Variants in NEFL observed in about 807,000 individuals in gnomAD.
NEFL encodes the protein neurofilament light polypeptide.
A neutral mutation model predicts 51.6 loss-of-function variants in NEFL; 36 were observed. The observed-to-expected ratio is 0.70, with a 90% CI of 0.53 to 0.92. The LOEUF (loss-of-function observed/expected upper bound fraction) is 0.92, where lower values mean the gene tolerates loss of function less well. Among genes scored for constraint, NEFL ranks in the 40% least tolerant of loss-of-function variants. The pLI is 0.00. For synonymous variants in NEFL, 332 were observed against 302.5 expected, an observed-to-expected ratio of 1.10 and a Z score of -1.01; for missense variants, 671 against 722.0, an observed-to-expected ratio of 0.93 and a Z score of 0.81.
intron 2 of NEFL, 88 bp from the exon 3 acceptor site, chr8:24,953,883 C>T: frequency 6.8e-7 from 1 of 1,468,884 alleles, no homozygotes; most frequent in Non-Finnish European, 9.0e-7. Flanking sequence ...CAAGCAGGAG[C>T]AGGGCTGGGA....
Position 24,955,462 on chromosome 8 carries a change from C to T in NEFL, c.1044+10G>A. ...TCCCCCGCCCCCCTGTGTTTCTGGC[C>T]GTGCCGCACCTGCATAGCGCTGATG... is the stretch of plus-strand genomic sequence containing the variant. On this transcript the variant is annotated intron_variant, in intron 1 of 3. Transcript: ENST00000610854. The surrounding 1 kb of genome is among the most constrained non-coding windows in gnomAD (Gnocchi z 4.0). 1 of 1,574,536 alleles carries T rather than the reference C, an allele frequency of 6.4e-7. No homozygotes were observed. Among genetic ancestry groups the T allele is most frequent in the South Asian group, 1.1e-5 (1 of 87,108 alleles).
At position 24,953,905 on chromosome 8, in the gene NEFL, T is replaced by A. The variant is rs568634960; in HGVS notation, c.1170-110A>T. 4.2e-6 allele frequency: 6 copies of A among 1,413,718 alleles called. No homozygotes were observed. In the African/African-American group the frequency reaches 8.7e-5, roughly 20 times the overall value. The allele number at this position is 1,413,718 out of a possible 1,614,324, so 87.6% of individuals were successfully genotyped here. On this transcript the variant is annotated intron_variant, in intron 2 of 3. Coordinates refer to ENST00000610854, the MANE Select transcript of NEFL (RefSeq NM_006158.5). ...GAGCAGGGCTGGGATTTATCAATACTTAATGCCTGGGGATCTTTTGATGGA... is the reference window on the plus strand; with the variant it reads ...GAGCAGGGCTGGGATTTATCAATACATAATGCCTGGGGATCTTTTGATGGA...
Position 24,954,492 on chromosome 8 carries a change from T to C in NEFL, c.1045-187A>G, listed in dbSNP as rs562945682. On this transcript the variant is annotated intron_variant, in intron 1 of 3. Transcript: ENST00000610854. ...TTCATGCCTAAAATACCCAAGTTCA[T>C]GAAGCCTGAGATGAAAAAAAAGATG... Among the ~76,000 whole-genome samples the C allele has an allele frequency of 4.4e-4, 67 of 152,326 alleles. 3 individuals carry two copies. In the South Asian group the frequency reaches 0.014, roughly 32 times the overall value.
chr8:24,953,307 T>A (rs1802994577), intron 3 of NEFL, among the ~76,000 whole-genome samples, 169 bp downstream of exon 3: 1 of 152,208 alleles, frequency 6.6e-6, no homozygotes, highest in Admixed American at 6.5e-5. Flanking sequence ...AATCACCTCA[T>A]TCAGAGTAGA....
Position 24,955,419 on chromosome 8 carries a change from C to CGGGGGGGGGGGGGGGGGGGGGGGG in NEFL, c.1044+52_1044+53insCCCCCCCCCCCCCCCCCCCCCCCC. 7.2e-7 allele frequency: 1 copy of CGGGGGGGGGGGGGGGGGGGGGGGG among 1,395,296 alleles called. No individual in the cohort carries two copies. The highest frequency in any genetic ancestry group is 9.7e-7 in the Non-Finnish European group (1 of 1,027,512). 86.4% of individuals were successfully genotyped at this position (1,395,296 alleles called of 1,614,324 possible). ...GGTCTCCACTTTCTGGGCGCACCAACTCCCCCCCTTGCTCGAGTCCCCCGC... is the reference window on the plus strand; with the variant it reads ...GGTCTCCACTTTCTGGGCGCACCAACGGGGGGGGGGGGGGGGGGGGGGGGTCCCCCCCTTGCTCGAGTCCCCCGC... On this transcript the variant is annotated intron_variant, in intron 1 of 3. Coordinates refer to ENST00000610854, the MANE Select transcript of NEFL (RefSeq NM_006158.5). This position sits in a 1 kb window ranked among gnomAD's most constrained non-coding sequence, Gnocchi z 4.0.
In NEFL at chr8:24,955,257, C is replaced by A. The variant is rs570063841; in HGVS notation, c.1044+215G>T. ...GCTGGGCAGCTTTAATGCGGAACGC[C>A]GGTGCAGCAGCACGGAGCACACTCC... On this transcript the variant is annotated intron_variant, in intron 1 of 3. Transcript: ENST00000610854. The surrounding 1 kb of genome is among the most constrained non-coding windows in gnomAD (Gnocchi z 4.0). 8.9e-6 allele frequency: 5 copies of A among 563,396 alleles called. No individual in the cohort carries two copies. The highest frequency in any genetic ancestry group is 1.5e-5 in the Non-Finnish European group (5 of 323,382). The allele number at this position is 563,396 out of a possible 1,614,324, so 34.9% of individuals were successfully genotyped here.
Position 24,953,752 on chromosome 8 carries a change from C to A in NEFL, c.1213G>T (p.Val405Leu), listed in dbSNP as rs558941336. Residue 405 changes from valine (V) to leucine (L), a missense_variant, in exon 3 of 4, where the codon GTG becomes TTG. Transcript: ENST00000610854. ...GEETRLSFTS[V>L]GSITSGYSQS... ...GAGTAGCCACTGGTTATGCTTCCCA[C>A]GCTGGTGAAACTGAGTCGGGTCTCC... 1.2e-6 allele frequency: 2 copies of A among 1,613,780 alleles called. No individual in the cohort carries two copies. The highest frequency in any genetic ancestry group is 1.7e-6 in the Non-Finnish European group (2 of 1,179,748).
rs1250693581 is a variant in NEFL at position 24,951,489 on chromosome 8, G to C, written c.*1321C>G. The C allele has an allele frequency of 6.6e-6, 1 of 152,188 alleles. No homozygotes were observed. The highest frequency in any genetic ancestry group is 1.9e-4 in the East Asian group (1 of 5,196). 9.4% of individuals were successfully genotyped at this position (152,188 alleles called of 1,614,324 possible). On this transcript the variant is annotated 3_prime_UTR_variant, in exon 4 of 4. Transcript: ENST00000610854. ...AGCGTTCTTAACTTTACGACAGAAA[G>C]GATACATGGGGCGTGTATTTGATGC...
chr8:24,956,400 G>C lies in NEFL; in HGVS notation c.116C>G (p.Ala39Gly), dbSNP rs1209328666. Residue 39 changes from alanine (A) to glycine (G), a missense_variant, in exon 1 of 4, where the codon GCT (alanine) becomes GGT (glycine). Transcript: ENST00000610854. The surrounding 1 kb of genome is among the most constrained non-coding windows in gnomAD (Gnocchi z 5.9). ...VRSGYSTARS[A>G]YSSYSAPVSS... is the part of the protein sequence containing the mutation. ...CACCGGCGCCGAGTAGCTGGAGTAA[G>C]CTGAGCGTGCGGTGCTGTAGCCGCT... is the stretch of plus-strand genomic sequence containing the variant. 2 of 1,603,936 alleles carry C rather than the reference G, an allele frequency of 1.2e-6. No individual in the cohort carries two copies. The highest frequency in any genetic ancestry group is 1.7e-4 in the Middle Eastern group (1 of 6,046).
chr8:24,956,023 C>G lies in NEFL; in HGVS notation c.493G>C (p.Glu165Gln). 1 of 1,604,710 alleles carries G rather than the reference C, an allele frequency of 6.2e-7. No homozygotes were observed. The part of the protein sequence containing the change: ...NEKQALQGER[E>Q]GLEETLRNLQ... The stretch of plus-strand genomic sequence containing the variant: ...TTGCGCAGGGTCTCCTCCAGCCCTT[C>G]GCGCTCGCCCTGGAGCGCCTGCTTC... Residue 165 changes from glutamate to glutamine, a missense_variant, in exon 1 of 4, where the codon GAA (glutamate) becomes CAA (glutamine). Transcript: ENST00000610854. This position sits in a 1 kb window ranked among gnomAD's most constrained non-coding sequence, Gnocchi z 5.9.
intron 3 of NEFL, among the ~76,000 whole-genome samples, chr8:24,953,231 T>C (rs1480467333): frequency 6.6e-6 from 1 of 152,210 alleles, no homozygotes; most frequent in African/African-American, 2.4e-5. Context: ...CTGGTATCTA[T>C]TTTTGTTCTT....
chr8:24,953,965 A>T (rs554225628), intron 2 of NEFL, 170 bp from the exon 3 acceptor site: 6 of 1,173,088 alleles, frequency 5.1e-6, no homozygotes, highest in Middle Eastern at 2.9e-4. Context: ...ATCCTATTAG[A>T]TTTAAAGTGT....
rs1037816474 is a variant in NEFL, at chr8:24,951,467, G to A, written c.*1343C>T. ...TTTATTCCACATCAAATGCAAGAGC[G>A]TTCTTAACTTTACGACAGAAAGGAT... On this transcript the variant is annotated 3_prime_UTR_variant, in exon 4 of 4. Transcript: ENST00000610854. 1.3e-5 allele frequency: 2 copies of A among 152,154 alleles called. No homozygotes were observed. Among genetic ancestry groups the A allele is most frequent in the Admixed American group, 6.5e-5 (1 of 15,276 alleles). The allele number at this position is 152,154 out of a possible 1,614,324, so 9.4% of individuals were successfully genotyped here. A position where few individuals can be genotyped will look rare whatever the true frequency, so the allele number is the denominator to read the frequency against.
chr8:24,955,173 C>G lies in NEFL; in HGVS notation c.1044+299G>C, dbSNP rs1803026833. The G allele has an allele frequency of 2.0e-6, 1 of 492,348 alleles. No homozygotes were observed. The highest frequency in any genetic ancestry group is 3.6e-6 in the Non-Finnish European group (1 of 276,112). The allele number at this position is 492,348 out of a possible 1,614,324, so 30.5% of individuals were successfully genotyped here. A position where few individuals can be genotyped will look rare whatever the true frequency, so the allele number is the denominator to read the frequency against. On this transcript the variant is annotated intron_variant, in intron 1 of 3. Coordinates refer to ENST00000610854, the MANE Select transcript of NEFL (RefSeq NM_006158.5). This position sits in a 1 kb window ranked among gnomAD's most constrained non-coding sequence, Gnocchi z 4.0. ...ATGCAGGTCAGTAGAGAGCTGATCT[C>G]ACTGCAGGCCGGAGGCAACGCCCAA...
In NEFL at chr8:24,956,384, C is replaced by G. The variant is rs2117255833; in HGVS notation, c.132G>C (p.Ser44=). The change falls in exon 1 of 4, where the codon TCG becomes TCC. Residue 44 remains serine, a synonymous_variant. Coordinates refer to ENST00000610854, the MANE Select transcript of NEFL (RefSeq NM_006158.5). This position sits in a 1 kb window ranked among gnomAD's most constrained non-coding sequence, Gnocchi z 5.9. Reference sequence around the variant, plus strand: ...CGGACAGCGAGGAAGACACCGGCGCCGAGTAGCTGGAGTAAGCTGAGCGTG... The same window carrying G: ...CGGACAGCGAGGAAGACACCGGCGCGGAGTAGCTGGAGTAAGCTGAGCGTG... ...STARSAYSSY[S]APVSSSLSVR... The G allele has an allele frequency of 6.2e-7, 1 of 1,605,404 alleles. No homozygotes were observed.
Position 24,952,739 on chromosome 8 carries a change from T to A in NEFL, c.*71A>T. 1.2e-6 allele frequency: 2 copies of A among 1,605,798 alleles called. No individual in the cohort carries two copies. Among genetic ancestry groups the A allele is most frequent in the East Asian group, 4.5e-5 (2 of 44,762 alleles). Reference sequence around the variant, plus strand: ...CACATAGAATCTGGAACTCAACTGGTTGGTTGGTTGGTGATGGGGTTGACC... The same window carrying A: ...CACATAGAATCTGGAACTCAACTGGATGGTTGGTTGGTGATGGGGTTGACC... On this transcript the variant is annotated 3_prime_UTR_variant, in exon 4 of 4. Transcript: ENST00000610854.
Position 24,953,583 on chromosome 8 carries a change from G to A in NEFL, c.1382C>T (p.Ala461Val). 6.2e-7 allele frequency: 1 copy of A among 1,613,934 alleles called. No individual in the cohort carries two copies. Among genetic ancestry groups the A allele is most frequent in the Non-Finnish European group, 8.5e-7 (1 of 1,179,886 alleles). Residue 461 changes from alanine (A) to valine (V), a missense_variant, in exon 3 of 4, where the codon GCC (alanine) becomes GTC (valine). Physicochemically the swap from Ala to Val is moderately conservative, Grantham distance 64 (BLOSUM62 0). Transcript: ENST00000610854. ...CTCATCCTTGGCTTCCTCAGCCTTG[G>A]CAGCCTCAATGGTTTCCTCCACTTC... ...QIEVEETIEAAKAEEAKDEPP... is the reference protein window; with the variant it reads ...QIEVEETIEAVKAEEAKDEPP...
At chr8:24,954,157 C>T (rs762410619) in intron 2 of NEFL, 24 bp downstream of exon 2, 4 of 1,612,672 alleles carry the variant, frequency 2.5e-6, no homozygotes, top group Admixed American at 1.7e-5. Flanking sequence ...TTAATGGCTG[C>T]TGTCTTTGCC....
chr8:24,953,298 A>G (rs1044235178), intron 3 of NEFL, among the ~76,000 whole-genome samples, 178 bp downstream of exon 3: 1 of 152,224 alleles, frequency 6.6e-6, no homozygotes, highest in African/African-American at 2.4e-5. Context: ...ATTTTGACCA[A>G]TCACCTCATT....
Sources: allele counts gnomAD v4.1 joint callset (sites outside exome capture counted in the v4.1 genomes callset), GRCh38; gene constraint gnomAD v4.1.1; non-coding constraint Gnocchi (gnomAD v3.1); transcripts MANE v1.5; gene names NCBI Gene and HGNC (gene_info 2026-07-23, HGNC 2026-07-21).